Variants in FAT3 observed in about 807,000 individuals in gnomAD.
The protein encoded by FAT3 is protocadherin Fat 3.
In FAT3, 95 loss-of-function variants were observed where a neutral mutation model predicts 310.2. The observed-to-expected ratio is 0.31, with a 90% CI of 0.26 to 0.36. FAT3 has a LOEUF of 0.36. Ranked by LOEUF, FAT3 falls within the 10% of genes least tolerant of loss-of-function variation. The probability of loss-of-function intolerance (pLI) is 1.00; values close to 1 mark genes in which losing one functional copy is unlikely to be tolerated. For missense variants in FAT3, 5,408 were observed against 5,715.6 expected, an observed-to-expected ratio of 0.95 and a Z score of 1.74; for synonymous variants, 2,314 against 2,192.9, an observed-to-expected ratio of 1.06 and a Z score of -1.54.
chr11:92,586,167 A>C (rs1335370585), intron 3 of FAT3, among the ~76,000 whole-genome samples: 1 of 152,028 alleles, frequency 6.6e-6, no homozygotes, highest in Non-Finnish European at 1.5e-5. Context: ...GTACTGGTAT[A>C]TTCTCAAAGT....
chr11:92,796,130 C>T (rs187124303), intron 9 of FAT3, among the ~76,000 whole-genome samples: 93 of 152,020 alleles, frequency 6.1e-4, no homozygotes, highest in African/African-American at 2.0e-3. Flanking sequence ...TGGAAGGTGA[C>T]CATTGCTTAG....
At chr11:92,726,224 C>T (rs546857351) in intron 4 of FAT3, among the ~76,000 whole-genome samples, 3 of 152,164 alleles carry the variant, frequency 2.0e-5, no homozygotes, top group African/African-American at 4.8e-5. Context: ...AGTTCTACTG[C>T]AGAGTTTTCC....
chr11:92,368,994 T>G (rs1023585058), intron 2 of FAT3, among the ~76,000 whole-genome samples: 1 of 151,930 alleles, frequency 6.6e-6, no homozygotes, highest in African/African-American at 2.4e-5. Flanking sequence ...TGTATGGAAT[T>G]GAAGATGAGT....
chr11:92,800,344 T>C lies in FAT3; in HGVS notation c.7331T>C (p.Met2444Thr). Reference sequence around the variant, plus strand: ...GGGAATGACCGGACGAGCTTTCTGATGGACAGCAAGAGTGGAGTTATCACA... The same window carrying C: ...GGGAATGACCGGACGAGCTTTCTGACGGACAGCAAGAGTGGAGTTATCACA... ...LSGNDRTSFL[M>T]DSKSGVITLS... is the part of the protein sequence containing the mutation. The change falls in exon 10 of 28, where the codon ATG becomes ACG. Residue 2444 changes from methionine to threonine, a missense_variant. Coordinates refer to ENST00000525166, the MANE Select transcript of FAT3 (RefSeq NM_001367949.2). The C allele has an allele frequency of 6.2e-7, 1 of 1,614,020 alleles. No homozygotes were observed.
intron 3 of FAT3, among the ~76,000 whole-genome samples, chr11:92,673,196 T>A (rs1440338681): frequency 6.6e-6 from 1 of 152,204 alleles, no homozygotes; most frequent in Non-Finnish European, 1.5e-5. Context: ...GAAATTAGGT[T>A]ATTTCCTCAA....
At chr11:92,491,639 G>C (rs1952600814) in intron 2 of FAT3, among the ~76,000 whole-genome samples, 1 of 152,060 alleles carries the variant, frequency 6.6e-6, no homozygotes, top group Non-Finnish European at 1.5e-5. Context: ...TTTCTGGGAG[G>C]AGCAGTAGGG....
At chr11:92,393,965 C>A (rs1331624184) in intron 2 of FAT3, among the ~76,000 whole-genome samples, 2 of 152,226 alleles carry the variant, frequency 1.3e-5, no homozygotes, top group East Asian at 3.9e-4. Context: ...TGTACGTGTT[C>A]TATTATCTAT....
At chr11:92,487,973 G>A (rs1448520299) in intron 2 of FAT3, among the ~76,000 whole-genome samples, 1 of 152,182 alleles carries the variant, frequency 6.6e-6, no homozygotes, top group African/African-American at 2.4e-5. Flanking sequence ...TCTTGTGCAA[G>A]GGATCTGTGT....
At chr11:92,623,398 A>C (rs915727703) in intron 3 of FAT3, among the ~76,000 whole-genome samples, 1 of 152,214 alleles carries the variant, frequency 6.6e-6, no homozygotes, top group Admixed American at 6.5e-5. Flanking sequence ...TACTATCTAT[A>C]TGCTATTAAG....
rs761374995 is a variant in FAT3 at position 92,354,564 on chromosome 11, A to G, written c.2452A>G (p.Thr818Ala). 4 of 1,613,734 alleles carry G rather than the reference A, an allele frequency of 2.5e-6. No individual in the cohort carries two copies. The highest frequency in any genetic ancestry group is 2.5e-6 in the Non-Finnish European group (3 of 1,179,868). The change falls in exon 2 of 28, where the codon ACC becomes GCC. Residue 818 changes from threonine (T) to alanine (A), a missense_variant. By Grantham distance (58) the Thr-to-Ala change is moderately conservative (BLOSUM62 0). Coordinates refer to ENST00000525166, the MANE Select transcript of FAT3 (RefSeq NM_001367949.2). The stretch of plus-strand genomic sequence containing the variant: ...ACAGAAATCGTCATGGAGACTGCTG[A>G]CCATCAATGTGGAGGATGCTAATGA... ...NPQKSSWRLL[T>A]INVEDANDNS...
At chr11:92,595,577 TAAGA>T (rs1939664042) in intron 3 of FAT3, among the ~76,000 whole-genome samples, 3 of 152,114 alleles carry the variant, frequency 2.0e-5, no homozygotes, top group Non-Finnish European at 1.5e-5. Context: ...GTCTATGAAC[TAAGA>T]AAGAAAAGAA....
At chr11:92,335,993 G>A (rs2134558298) in intron 1 of FAT3, 1 of 456,314 alleles carries the variant, frequency 2.2e-6, no homozygotes, top group African/African-American at 2.0e-5. Flanking sequence ...GGCAAGGGGT[G>A]GGGAAGGTGG....
chr11:92,895,513 G>C lies in FAT3; in HGVS notation c.*4400G>C, dbSNP rs545707147. 3.3e-5 allele frequency: 5 copies of C among 152,302 alleles called. No individual in the cohort carries two copies. The South Asian group carries it at 1.0e-3, about 32-fold the overall frequency. 9.4% of individuals were successfully genotyped at this position (152,302 alleles called of 1,614,324 possible). A position where few individuals can be genotyped will look rare whatever the true frequency, so the allele number is the denominator to read the frequency against. ...CATAATTAGTCTCTTCTAGTGTTTA[G>C]AATGCACTTGAGAATCGTAGAGTCA... On this transcript the variant is annotated 3_prime_UTR_variant, in exon 28 of 28. Coordinates refer to ENST00000525166, the MANE Select transcript of FAT3 (RefSeq NM_001367949.2).
intron 3 of FAT3, among the ~76,000 whole-genome samples, chr11:92,552,397 G>A (rs1431969726): frequency 6.6e-6 from 1 of 151,994 alleles, no homozygotes; most frequent in Non-Finnish European, 1.5e-5. Flanking sequence ...ATATTAAATG[G>A]GAATTATATT....
At chr11:92,486,882 C>G (rs1193507503) in intron 2 of FAT3, among the ~76,000 whole-genome samples, 1 of 152,134 alleles carries the variant, frequency 6.6e-6, no homozygotes, top group Non-Finnish European at 1.5e-5. Context: ...CAGTGTCCCA[C>G]TCTCATCTGG....
At chr11:92,882,237 C>T (rs1208656460) in intron 23 of FAT3, among the ~76,000 whole-genome samples, 1 of 152,154 alleles carries the variant, frequency 6.6e-6, no homozygotes, top group African/African-American at 2.4e-5. Context: ...ACTGCAGAAA[C>T]ACTGGTATTT....
chr11:92,654,389 A>G (rs900998806), intron 3 of FAT3, among the ~76,000 whole-genome samples: 1 of 152,176 alleles, frequency 6.6e-6, no homozygotes, highest in Non-Finnish European at 1.5e-5. Flanking sequence ...AGATTTGTCC[A>G]GCTTAAGAGG....
At chr11:92,691,921 G>C (rs1267840570) in intron 3 of FAT3, among the ~76,000 whole-genome samples, 3 of 152,072 alleles carry the variant, frequency 2.0e-5, no homozygotes, top group Non-Finnish European at 4.4e-5. Flanking sequence ...GAGATAAAAT[G>C]AGATTATGTA....
At chr11:92,754,869 A>T (rs181721855) in intron 4 of FAT3, among the ~76,000 whole-genome samples, 31 of 151,946 alleles carry the variant, frequency 2.0e-4, no homozygotes, top group African/African-American at 7.0e-4. Flanking sequence ...TTGATCTAAA[A>T]AATAATAATA....
Sources: allele counts gnomAD v4.1 joint callset (sites outside exome capture counted in the v4.1 genomes callset), GRCh38; gene constraint gnomAD v4.1.1; transcripts MANE v1.5; gene names NCBI Gene and HGNC (gene_info 2026-07-23, HGNC 2026-07-21).